SYT1: variants seen among roughly 807,000 people sequenced by gnomAD.
SYT1 encodes synaptotagmin-1.
SYT1 carries 8 observed loss-of-function variants against 44.8 expected under a neutral mutation model. The ratio of observed to expected loss-of-function variants is 0.18; its 90% confidence interval spans 0.10 to 0.32. SYT1 has a LOEUF of 0.32. SYT1 is among the 10% of genes least tolerant of loss of function. The probability of loss-of-function intolerance (pLI) is 1.00; values close to 1 mark genes in which losing one functional copy is unlikely to be tolerated. For missense variants in SYT1, 286 were observed against 509.3 expected, an observed-to-expected ratio of 0.56 and a Z score of 4.22; for synonymous variants, 154 against 188.8, an observed-to-expected ratio of 0.82 and a Z score of 1.51.
intron 8 of SYT1, among the ~76,000 whole-genome samples, chr12:79,331,914 T>C (rs577847641): frequency 6.6e-6 from 1 of 152,322 alleles, no homozygotes; most frequent in South Asian, 2.1e-4. Flanking sequence ...ATTTACATTT[T>C]TCTAGAAACT....
At chr12:78,886,175 T>G (rs527268380) in intron 1 of SYT1, among the ~76,000 whole-genome samples, 1 of 152,016 alleles carries the variant, frequency 6.6e-6, no homozygotes, top group East Asian at 2.0e-4. Flanking sequence ...TCTAGGAAAA[T>G]AGCAGAAAAA....
chr12:79,324,023 TCACTAC>T (rs1217345108), intron 8 of SYT1, among the ~76,000 whole-genome samples: 1 of 147,008 alleles, frequency 6.8e-6, no homozygotes, highest in East Asian at 2.1e-4. Context: ...CAATCTCAGC[TCACTAC>T]CACCTCCACC....
intron 8 of SYT1, among the ~76,000 whole-genome samples, chr12:79,300,924 G>A (rs901253704): frequency 1.3e-5 from 2 of 149,080 alleles, no homozygotes; most frequent in Admixed American, 6.7e-5. Context: ...GAAAAATACC[G>A]AGTTTTAAAA....
intron 5 of SYT1, among the ~76,000 whole-genome samples, chr12:79,291,584 A>G (rs1230153024): frequency 6.6e-6 from 1 of 152,230 alleles, no homozygotes; most frequent in Non-Finnish European, 1.5e-5. Flanking sequence ...TATATTAATT[A>G]TTCCACTGCA....
At chr12:79,124,875 A>G (rs1014573056) in intron 3 of SYT1, among the ~76,000 whole-genome samples, 1 of 152,202 alleles carries the variant, frequency 6.6e-6, no homozygotes, top group Non-Finnish European at 1.5e-5. Flanking sequence ...TAATTTGAGT[A>G]TAACTGAAGA....
intron 1 of SYT1, among the ~76,000 whole-genome samples, chr12:78,941,444 T>G (rs973476233): frequency 7.9e-5 from 12 of 151,100 alleles, no homozygotes; most frequent in African/African-American, 2.4e-4. Context: ...CATTATGTAA[T>G]ACTTTAGAAG....
intron 1 of SYT1, among the ~76,000 whole-genome samples, chr12:78,874,058 C>A (rs1873946627): frequency 6.6e-6 from 1 of 151,550 alleles, no homozygotes; most frequent in Non-Finnish European, 1.5e-5. Flanking sequence ...TACAGGTATT[C>A]ATATTGTTTC....
At chr12:79,159,466 TGAGACAGAGA>T (rs1870811896) in intron 3 of SYT1, among the ~76,000 whole-genome samples, 2 of 152,174 alleles carry the variant, frequency 1.3e-5, no homozygotes, top group Admixed American at 6.6e-5. Flanking sequence ...TACAGTATTT[TGAGACAGAGA>T]GAGACAGAGA....
intron 4 of SYT1, among the ~76,000 whole-genome samples, chr12:79,265,738 C>T (rs1353250328): frequency 6.6e-6 from 1 of 151,916 alleles, no homozygotes; most frequent in Non-Finnish European, 1.5e-5. Flanking sequence ...TGTTTAGGAT[C>T]AAACCAGTTG....
At chr12:79,266,532 A>T (rs1878137660) in intron 4 of SYT1, among the ~76,000 whole-genome samples, 1 of 152,210 alleles carries the variant, frequency 6.6e-6, no homozygotes, top group Non-Finnish European at 1.5e-5. Flanking sequence ...TACAAACTCT[A>T]AACAGAAGAG....
chr12:79,209,274 C>A (rs971104292), intron 3 of SYT1, among the ~76,000 whole-genome samples: 4 of 152,124 alleles, frequency 2.6e-5, no homozygotes, highest in Non-Finnish European at 5.9e-5. Flanking sequence ...TACTTAACTG[C>A]CTAAGGATCT....
chr12:79,312,284 T>C (rs543195515), intron 8 of SYT1, among the ~76,000 whole-genome samples: 25 of 152,282 alleles, frequency 1.6e-4, no homozygotes, highest in Admixed American at 1.4e-3. Context: ...TTCCAGAAAA[T>C]AAGGACTTGA....
intron 4 of SYT1, among the ~76,000 whole-genome samples, chr12:79,235,143 G>A (rs1420586450): frequency 2.6e-5 from 4 of 152,178 alleles, no homozygotes; most frequent in African/African-American, 9.7e-5. Context: ...TAGTACAGAA[G>A]TATATTTGTC....
chr12:78,949,747 A>G (rs553637372), intron 1 of SYT1, among the ~76,000 whole-genome samples: 14 of 152,120 alleles, frequency 9.2e-5, no homozygotes, highest in African/African-American at 3.4e-4. Context: ...CTTATTCAGC[A>G]TATTGAGAAA....
chr12:79,425,184 T>C (rs998229306), intron 9 of SYT1, among the ~76,000 whole-genome samples: 3 of 152,090 alleles, frequency 2.0e-5, no homozygotes, highest in Admixed American at 2.0e-4. Flanking sequence ...TTTTCTACTC[T>C]CATCCTTCCA....
chr12:79,127,355 T>G lies in SYT1; in HGVS notation c.-18+79993T>G, dbSNP rs76718682. ...CACTTAATCTGACTTTGACTTAACA[T>G]AGCACTGGTTGCAAAAGATGTGAAA... On this transcript the variant is annotated intron_variant, in intron 3 of 10. Coordinates refer to ENST00000261205, the MANE Select transcript of SYT1 (RefSeq NM_005639.3). Among the ~76,000 whole-genome samples the G allele has an allele frequency of 3.9e-5, 6 of 152,350 alleles. No homozygotes were observed. The East Asian group carries it at 9.6e-4, about 24-fold the overall frequency.
At chr12:79,333,195 G>A (rs1881934846) in intron 8 of SYT1, among the ~76,000 whole-genome samples, 2 of 152,144 alleles carry the variant, frequency 1.3e-5, no homozygotes, top group East Asian at 1.9e-4. Flanking sequence ...TCACAGTTCT[G>A]GAAGCTGAGA....
At chr12:78,935,168 C>A (rs188829714) in intron 1 of SYT1, among the ~76,000 whole-genome samples, 1 of 152,254 alleles carries the variant, frequency 6.6e-6, no homozygotes, top group Non-Finnish European at 1.5e-5. Context: ...CCATAGGAAG[C>A]AAGTAGGTGT....
chr12:79,022,940 A>G (rs897826863), intron 2 of SYT1, among the ~76,000 whole-genome samples: 32 of 151,942 alleles, frequency 2.1e-4, no homozygotes, highest in African/African-American at 7.7e-4. Context: ...AATAACCTTT[A>G]GATAAAATCT....
Sources: gnomAD v4.1 joint callset for allele counts (sites outside exome capture counted in the v4.1 genomes callset) on GRCh38, gnomAD v4.1.1 for gene constraint, MANE v1.5 for transcripts, NCBI Gene and HGNC (gene_info 2026-07-23, HGNC 2026-07-21) for gene names.